HADH: variants seen among roughly 807,000 people sequenced by gnomAD.
The protein encoded by HADH is hydroxyacyl-CoA dehydrogenase.
In HADH, 24 loss-of-function variants were observed where a neutral mutation model predicts 32.2. That is an observed-to-expected ratio of 0.75 (90% CI 0.54 to 1.05). The LOEUF (loss-of-function observed/expected upper bound fraction) is 1.05, where lower values mean the gene tolerates loss of function less well. HADH is among the 50% of genes least tolerant of loss of function. The probability of loss-of-function intolerance (pLI) is 0.00; values close to 1 mark genes in which losing one functional copy is unlikely to be tolerated. For missense variants in HADH, 350 were observed against 397.1 expected (o/e 0.88, Z 1.01); for synonymous variants, 139 against 152.5 (o/e 0.91, Z 0.65).
Position 108,014,396 on chromosome 4 carries a change from C to T in HADH, c.262-35C>T, listed in dbSNP as rs778468060. 1.7e-5 allele frequency: 27 copies of T among 1,613,262 alleles called. No individual in the cohort carries two copies. The Admixed American group carries it at 2.0e-4, about 12-fold the overall frequency. The stretch of plus-strand genomic sequence containing the variant: ...CTTGAAAGATAATTTCCAGTGAGCC[C>T]GGTGAATGTTCTCTTCTTCCTCCCA... On this transcript the variant is annotated intron_variant, in intron 2 of 7. Coordinates refer to ENST00000309522, the MANE Select transcript of HADH (RefSeq NM_005327.7).
intron 1 of HADH, among the ~76,000 whole-genome samples, chr4:107,991,102 G>C (rs561586485): frequency 6.6e-6 from 1 of 151,880 alleles, no homozygotes; most frequent in Non-Finnish European, 1.5e-5. Flanking sequence ...CTGAGCTGTG[G>C]TTCAGGCTCA....
In HADH at chr4:108,023,544, A is replaced by G. The variant is rs1158516423; in HGVS notation, c.617A>G (p.Lys206Arg). The change falls in exon 5 of 8, where the codon AAG becomes AGG. Residue 206 changes from lysine (K) to arginine (R), a missense_variant. By Grantham distance (26) the Lys-to-Arg change is conservative (BLOSUM62 2). Transcript: ENST00000309522. ...GTAGACTTTAGCAAAGCCCTAGGAAAGCATCCTGTTTCTTGCAAGGTAAGA... is the reference window on the plus strand; with the variant it reads ...GTAGACTTTAGCAAAGCCCTAGGAAGGCATCCTGTTTCTTGCAAGGTAAGA... Reference protein sequence around the residue: ...SLVDFSKALGKHPVSCKDTPG... With the variant: ...SLVDFSKALGRHPVSCKDTPG... The G allele has an allele frequency of 6.2e-7, 1 of 1,604,896 alleles. No homozygotes were observed. The highest frequency in any genetic ancestry group is 2.2e-5 in the East Asian group (1 of 44,826).
chr4:108,033,674 G>C (rs1055774040), intron 7 of HADH, among the ~76,000 whole-genome samples: 5 of 152,298 alleles, frequency 3.3e-5, no homozygotes, highest in African/African-American at 1.2e-4. Flanking sequence ...AACCTCCATT[G>C]CAAGCAAGAT....
chr4:107,995,627 G>T (rs1379239610), intron 1 of HADH, among the ~76,000 whole-genome samples: 1 of 152,124 alleles, frequency 6.6e-6, no homozygotes, highest in African/African-American at 2.4e-5. Context: ...AAAGAATTTT[G>T]ATTTATTTAA....
At chr4:107,998,508 G>A (rs221334) in intron 1 of HADH, among the ~76,000 whole-genome samples, 18,613 of 152,074 alleles carry the variant, frequency 0.12, 1,523 homozygotes, top group East Asian at 0.33. Context: ...TCTAACTCCC[G>A]ACCTCATGAT....
At chr4:108,020,966 T>A (rs1248485920) in intron 4 of HADH, among the ~76,000 whole-genome samples, 3 of 152,214 alleles carry the variant, frequency 2.0e-5, no homozygotes, top group Non-Finnish European at 2.9e-5. Flanking sequence ...TTTTTAGCAT[T>A]TTCTCTCAAG....
intron 3 of HADH, 113 bp downstream of exon 3, chr4:108,014,701 G>A (rs1310103514): frequency 5.3e-6 from 5 of 935,490 alleles, no homozygotes; most frequent in Non-Finnish European, 8.4e-6. Flanking sequence ...TTTGTTCCAT[G>A]CCTATATTGT....
Position 108,013,018 on chromosome 4 carries a change from C to T in HADH, c.262-1413C>T, listed in dbSNP as rs1400043883. Among the ~76,000 whole-genome samples, 2 of 152,212 alleles carry T rather than the reference C, an allele frequency of 1.3e-5. 1 individual carries two copies. The highest frequency in any genetic ancestry group is 2.9e-5 in the Non-Finnish European group (2 of 68,050). On this transcript the variant is annotated intron_variant, in intron 2 of 7. Coordinates refer to ENST00000309522, the MANE Select transcript of HADH (RefSeq NM_005327.7). ...CGCGATGTCGGCTCACTGCAAGCTC[C>T]ACCTCCCGGGTTCACGCCATTCTCC...
intron 6 of HADH, chr4:108,029,213 C>G (rs190393421): frequency 1.8e-5 from 5 of 275,088 alleles, no homozygotes; most frequent in African/African-American, 1.1e-4. Context: ...CAGAGGAGTG[C>G]TCAGAGCATG....
At chr4:107,996,316 G>A (rs1734957624) in intron 1 of HADH, among the ~76,000 whole-genome samples, 1 of 152,204 alleles carries the variant, frequency 6.6e-6, no homozygotes, top group African/African-American at 2.4e-5. Context: ...TACCCGGAAA[G>A]TGTCCATCAT....
intron 4 of HADH, among the ~76,000 whole-genome samples, chr4:108,021,844 C>T (rs974867020): frequency 1.3e-5 from 2 of 152,224 alleles, no homozygotes; most frequent in Non-Finnish European, 2.9e-5. Context: ...TGCTCCTCTT[C>T]TCCATCTTCA....
chr4:107,995,576 A>G (rs1180395783), intron 1 of HADH, among the ~76,000 whole-genome samples: 1 of 152,082 alleles, frequency 6.6e-6, no homozygotes, highest in Non-Finnish European at 1.5e-5. Flanking sequence ...GTTTTTGTAG[A>G]GCTAAAACCA....
intron 3 of HADH, among the ~76,000 whole-genome samples, chr4:108,018,124 A>G (rs2126231234): frequency 6.6e-6 from 1 of 152,308 alleles, no homozygotes; most frequent in Non-Finnish European, 1.5e-5. Flanking sequence ...AACATTCTAC[A>G]AAAAGGGGTA....
intron 1 of HADH, among the ~76,000 whole-genome samples, chr4:107,997,934 CT>C (rs1273371488): frequency 6.6e-6 from 1 of 152,152 alleles, no homozygotes; most frequent in Non-Finnish European, 1.5e-5. Context: ...ATGAATTGTA[CT>C]TGTTTCTCTG....
intron 2 of HADH, 86 bp downstream of exon 2, chr4:108,009,973 CTTTCT>C: frequency 1.9e-6 from 1 of 525,854 alleles, no homozygotes; most frequent in South Asian, 2.7e-5. Flanking sequence ...GGCTTTCTTT[CTTTCT>C]TTTTTTTTTT....
chr4:108,018,727 T>G (rs192952895), intron 3 of HADH, among the ~76,000 whole-genome samples: 31 of 152,278 alleles, frequency 2.0e-4, no homozygotes, highest in Non-Finnish European at 3.8e-4. Flanking sequence ...ACAGTCCATC[T>G]TGGTTGGAAT....
At chr4:108,032,412 GC>G in intron 6 of HADH, 1 of 1,417,736 alleles carries the variant, frequency 7.1e-7, no homozygotes, top group Non-Finnish European at 9.9e-7. Flanking sequence ...GAAATGTGAT[GC>G]CAGGGGAATA....
chr4:107,993,208 C>T (rs1368501403), intron 1 of HADH, among the ~76,000 whole-genome samples: 1 of 152,226 alleles, frequency 6.6e-6, no homozygotes, highest in Non-Finnish European at 1.5e-5. Context: ...ATCCTGATCA[C>T]AGCTGCTGAG....
intron 5 of HADH, chr4:108,027,412 A>G (rs1736104047): frequency 1.9e-6 from 1 of 513,602 alleles, no homozygotes; most frequent in South Asian, 2.1e-5. Flanking sequence ...TCCCAAAGCC[A>G]TGCTCTTCCA....
Sources: allele counts gnomAD v4.1 joint callset (sites outside exome capture counted in the v4.1 genomes callset), GRCh38; gene constraint gnomAD v4.1.1; transcripts MANE v1.5; gene names NCBI Gene and HGNC (gene_info 2026-07-23, HGNC 2026-07-21).